Variants in DIDO1 observed in about 807,000 individuals in gnomAD.
DIDO1 encodes the protein death inducer-obliterator 1.
DIDO1 carries 16 observed loss-of-function variants against 99.4 expected under a neutral mutation model. The ratio of observed to expected loss-of-function variants is 0.16; its 90% confidence interval spans 0.11 to 0.24. The LOEUF is 0.24. Ranked by LOEUF, DIDO1 falls within the 10% of genes least tolerant of loss-of-function variation. The pLI is 1.00. For missense variants in DIDO1, 2,996 were observed against 3,014.0 expected (o/e 0.99, Z 0.14); for synonymous variants, 1,366 against 1,239.1 (o/e 1.10, Z -2.15).
At chr20:62,900,273 C>G (rs1364146714) in intron 6 of DIDO1, among the ~76,000 whole-genome samples, 1 of 152,244 alleles carries the variant, frequency 6.6e-6, no homozygotes, top group Non-Finnish European at 1.5e-5. Context: ...GGCCACTGGC[C>G]CAGATGAAAC....
upstream of DIDO1, among the ~76,000 whole-genome samples, chr20:62,927,558 GC>G (rs925491915): frequency 6.6e-6 from 1 of 152,210 alleles, no homozygotes; most frequent in African/African-American, 2.4e-5. Flanking sequence ...ACTTGTTTCT[GC>G]TTCTGTGAAC....
In DIDO1 at chr20:62,911,374, A is replaced by C. The variant is rs757375886; in HGVS notation, c.239T>G (p.Ile80Ser). ...GCTCCTCCTGCCGCGGCGCCGCGCA[A>C]TGGTCAGGAACTGCTCCACGCGCTC... ...RTERVEQFLT[I>S]ARRRGRRSMP... The change falls in exon 3 of 16, where the codon ATT (isoleucine) becomes AGT (serine). Residue 80 changes from isoleucine (I) to serine (S), a missense_variant. Physicochemically the swap from Ile to Ser is moderately radical, Grantham distance 142 (BLOSUM62 -2). This residue lies in a region of DIDO1 where 388 missense variants were observed against 376.6 expected (regional missense o/e 1.03). Transcript: ENST00000395343. This position sits in a 1 kb window ranked among gnomAD's most constrained non-coding sequence, Gnocchi z 7.0. 17 of 1,612,016 alleles carry C rather than the reference A, an allele frequency of 1.1e-5. No homozygotes were observed. The highest frequency in any genetic ancestry group is 1.4e-5 in the Non-Finnish European group (17 of 1,179,936).
chr20:62,899,562 G>A (rs1004877483), intron 6 of DIDO1, among the ~76,000 whole-genome samples: 1 of 152,206 alleles, frequency 6.6e-6, no homozygotes, highest in African/African-American at 2.4e-5. Flanking sequence ...CAGTACATGG[G>A]TTTAAAACCA....
chr20:62,888,358 G>GCT, intron 15 of DIDO1: 1 of 985,518 alleles, frequency 1.0e-6, no homozygotes, highest in Non-Finnish European at 1.2e-6. Context: ...CCACATCAGT[G>GCT]CCCTGATGCA....
chr20:62,911,338 G>A lies in DIDO1; in HGVS notation c.275C>T (p.Ser92Phe). Residue 92 changes from serine (S) to phenylalanine (F), a missense_variant, in exon 3 of 16, where the codon TCC (serine) becomes TTC (phenylalanine). Ser to Phe is a radical substitution (Grantham distance 155). Coordinates refer to ENST00000395343, the MANE Select transcript of DIDO1 (RefSeq NM_001193369.2). The surrounding 1 kb of genome is among the most constrained non-coding windows in gnomAD (Gnocchi z 7.0). ...RRRGRRSMPV[S>F]LEDSGEPTSC... ...CGTGGGCTCACCAGAATCCTCCAGGGAGACAGGCATGCTCCTCCTGCCGCG... is the reference window on the plus strand; with the variant it reads ...CGTGGGCTCACCAGAATCCTCCAGGAAGACAGGCATGCTCCTCCTGCCGCG... 6.2e-7 allele frequency: 1 copy of A among 1,609,124 alleles called. No individual in the cohort carries two copies. Among genetic ancestry groups the A allele is most frequent in the Non-Finnish European group, 8.5e-7 (1 of 1,179,998 alleles).
intron 6 of DIDO1, among the ~76,000 whole-genome samples, chr20:62,904,388 A>C (rs562258708): frequency 6.6e-6 from 1 of 152,312 alleles, no homozygotes; most frequent in Non-Finnish European, 1.5e-5. Flanking sequence ...TGCATGATTC[A>C]TTTTATGTGC....
intron 15 of DIDO1, among the ~76,000 whole-genome samples, chr20:62,886,792 C>T (rs1188336283): frequency 1.3e-5 from 2 of 152,220 alleles, no homozygotes; most frequent in Admixed American, 1.3e-4. Flanking sequence ...ATGTTCACAC[C>T]TGCTGGAACA....
chr20:62,886,141 G>A, intron 15 of DIDO1, among the ~76,000 whole-genome samples: 1 of 152,252 alleles, frequency 6.6e-6, no homozygotes, highest in East Asian at 1.9e-4. Context: ...GAGGGCTACT[G>A]AGGGCCTCAG....
chr20:62,923,868 C>T (rs985767836), intron 1 of DIDO1, among the ~76,000 whole-genome samples: 3 of 152,214 alleles, frequency 2.0e-5, no homozygotes, highest in Non-Finnish European at 4.4e-5. Context: ...TCCTTTACAA[C>T]TTACACACGA....
chr20:62,882,870 T>C (rs1457331735), intron 15 of DIDO1, among the ~76,000 whole-genome samples: 1 of 151,278 alleles, frequency 6.6e-6, no homozygotes, highest in Non-Finnish European at 1.5e-5. Context: ...AGCTCAGCTA[T>C]GCTCTTCTTC....
chr20:62,895,206 A>G (rs375094141), intron 8 of DIDO1, 41 bp from the exon 9 acceptor site: 136 of 1,532,826 alleles, frequency 8.9e-5, no homozygotes, highest in Admixed American at 8.7e-4. Flanking sequence ...TAATATTCCT[A>G]TATCTGTCAA....
chr20:62,903,909 C>A (rs1326776407), intron 6 of DIDO1, among the ~76,000 whole-genome samples: 1 of 152,166 alleles, frequency 6.6e-6, no homozygotes, highest in Admixed American at 6.5e-5. Flanking sequence ...GAAGAGCAGC[C>A]TCCTGGTCGA....
rs764571773 is a variant in DIDO1 at position 62,880,534 on chromosome 20, G to A, written c.5422C>T (p.Pro1808Ser). ...ARFGAQKGPI[P>S]SLFSGQHGPP... ...CCATGTTGCCCCGAGAATAAGGAAG[G>A]GATGGGCCCCTTCTGGGCTCCGAAT... The change falls in exon 16 of 16, where the codon CCT becomes TCT. Residue 1808 changes from proline (P) to serine (S), a missense_variant. Transcript: ENST00000395343. The A allele has an allele frequency of 5.3e-5, 86 of 1,612,882 alleles. No individual in the cohort carries two copies. The highest frequency in any genetic ancestry group is 7.1e-5 in the Non-Finnish European group (84 of 1,179,978).
At position 62,881,294 on chromosome 20, in the gene DIDO1, C is replaced by G; in HGVS notation, c.4662G>C (p.Ala1554=). 2.5e-6 allele frequency: 4 copies of G among 1,604,972 alleles called. No individual in the cohort carries two copies. The highest frequency in any genetic ancestry group is 3.4e-6 in the Non-Finnish European group (4 of 1,179,762). The change falls in exon 16 of 16, where the codon GCG becomes GCC. Residue 1554 remains alanine (A), a synonymous_variant. Coordinates refer to ENST00000395343, the MANE Select transcript of DIDO1 (RefSeq NM_001193369.2). This position sits in a 1 kb window ranked among gnomAD's most constrained non-coding sequence, Gnocchi z 8.3. ...CCTGCCGGGGGTCCCTGTGGTTTGA[C>G]GCCTGGCTGGCGGGGGGCAGTGAGG... ...KPASLPPASQ[A]SNHRDPRQAR... is the part of the protein sequence containing the mutation.
At chr20:62,926,799 C>CTAG (rs1452178272), upstream of DIDO1, among the ~76,000 whole-genome samples, 4 of 152,256 alleles carry the variant, frequency 2.6e-5, no homozygotes, top group African/African-American at 9.6e-5. Context: ...AACGTGGATG[C>CTAG]TAGCCCCGAG....
At chr20:62,921,523 T>C (rs989554534) in intron 1 of DIDO1, among the ~76,000 whole-genome samples, 1 of 152,168 alleles carries the variant, frequency 6.6e-6, no homozygotes, top group Admixed American at 6.5e-5. Context: ...CAGGCAGGGA[T>C]TGCCAAGTGA....
In DIDO1 at chr20:62,896,720, G is replaced by A. The variant is rs757481207; in HGVS notation, c.1865C>T (p.Thr622Met). The A allele has an allele frequency of 1.8e-5, 29 of 1,613,624 alleles. No homozygotes were observed. The highest frequency in any genetic ancestry group is 4.5e-5 in the East Asian group (2 of 44,890). The change falls in exon 7 of 16, where the codon ACG becomes ATG. Residue 622 changes from threonine (T) to methionine (M), a missense_variant. Thr to Met is a moderately conservative substitution (Grantham distance 81). Coordinates refer to ENST00000395343, the MANE Select transcript of DIDO1 (RefSeq NM_001193369.2). The surrounding 1 kb of genome is among the most constrained non-coding windows in gnomAD (Gnocchi z 4.4). ...GCCAGGGAACTTCTTGGAGGCAGCC[G>A]TTGCCGCTGCAGGTGCCGGTCCGGC... is the stretch of plus-strand genomic sequence containing the variant. The part of the protein sequence containing the change: ...RQAGPAPAAA[T>M]AASKKFPGSA...
intron 4 of DIDO1, among the ~76,000 whole-genome samples, 159 bp from the exon 5 acceptor site, chr20:62,907,518 C>A (rs767839469): frequency 6.6e-6 from 1 of 152,232 alleles, no homozygotes; most frequent in Non-Finnish European, 1.5e-5. Context: ...TTGATTCAAG[C>A]TATGAAAAAG....
At chr20:62,926,893 G>C (rs1181384158), upstream of DIDO1, among the ~76,000 whole-genome samples, 2 of 152,164 alleles carry the variant, frequency 1.3e-5, no homozygotes, top group Non-Finnish European at 1.5e-5. Flanking sequence ...GGCTAAATTT[G>C]TAAGAGGTGT....
Sources: gnomAD v4.1 joint callset for allele counts (sites outside exome capture counted in the v4.1 genomes callset) on GRCh38, gnomAD v4.1.1 for gene constraint, gnomAD v4.1.1 regional missense constraint, Gnocchi (gnomAD v3.1) non-coding constraint, MANE v1.5 for transcripts, NCBI Gene and HGNC (gene_info 2026-07-23, HGNC 2026-07-21) for gene names.